EMP2: variants seen among roughly 807,000 people sequenced by gnomAD.
EMP2 encodes the protein epithelial membrane protein 2.
In EMP2, 19 loss-of-function variants were observed where a neutral mutation model predicts 13.7. The observed-to-expected ratio is 1.38, with a 90% CI of 0.97 to 2.03. The LOEUF (loss-of-function observed/expected upper bound fraction) is 2.03, where lower values mean the gene tolerates loss of function less well. EMP2 is among the 30% of genes most tolerant of loss of function. EMP2 has a pLI of 0.00. For missense variants in EMP2, 253 were observed against 220.7 expected, an observed-to-expected ratio of 1.15 and a Z score of -0.93; for synonymous variants, 97 against 84.7, an observed-to-expected ratio of 1.15 and a Z score of -0.80.
intron 1 of EMP2, among the ~76,000 whole-genome samples, chr16:10,550,408 G>A (rs1483236108): frequency 1.3e-5 from 2 of 152,046 alleles, no homozygotes; most frequent in Non-Finnish European, 2.9e-5. Flanking sequence ...ACTTCCTCAG[G>A]TCTGTCTTTG....
At chr16:10,560,085 C>G (rs1315319538) in intron 1 of EMP2, among the ~76,000 whole-genome samples, 1 of 152,174 alleles carries the variant, frequency 6.6e-6, no homozygotes, top group African/African-American at 2.4e-5. Flanking sequence ...CAGCGTGGCA[C>G]CAGAGAAACC....
At chr16:10,559,528 C>T (rs765362818) in intron 1 of EMP2, among the ~76,000 whole-genome samples, 19 of 152,220 alleles carry the variant, frequency 1.2e-4, no homozygotes, top group Non-Finnish European at 2.9e-5. Flanking sequence ...CTTCCAATCT[C>T]TTGGAATAAT....
At chr16:10,575,314 C>T (rs1478451498) in intron 1 of EMP2, among the ~76,000 whole-genome samples, 5 of 124,078 alleles carry the variant, frequency 4.0e-5, no homozygotes, top group South Asian at 5.6e-4. Flanking sequence ...AGTGCAGTGG[C>T]GTGATCTTGG....
At chr16:10,545,135 T>A (rs2050730327) in intron 2 of EMP2, 2 of 152,132 alleles carry the variant, frequency 1.3e-5, no homozygotes. Context: ...ACCCTGGGGG[T>A]GCTGGATACG....
intron 1 of EMP2, among the ~76,000 whole-genome samples, chr16:10,570,461 G>A (rs980973948): frequency 6.6e-6 from 1 of 152,120 alleles, no homozygotes; most frequent in African/African-American, 2.4e-5. Flanking sequence ...GCAGTGGCGT[G>A]ATCTCAACTC....
chr16:10,538,057 C>A lies in EMP2; in HGVS notation c.187G>T (p.Ala63Ser). 1 of 1,613,846 alleles carries A rather than the reference C, an allele frequency of 6.2e-7. No homozygotes were observed. The change falls in exon 4 of 5, where the codon GCG becomes TCG. Residue 63 changes from alanine to serine, a missense_variant. Coordinates refer to ENST00000359543, the MANE Select transcript of EMP2 (RefSeq NM_001424.6). The part of the protein sequence containing the change: ...DSFQEYSTLQ[A>S]VQATMILSTI... ...GAGAGGATCATGGTGGCCTGGACCGCCTGCAGCGTGGAGTACTCTGCGGGA... is the reference window on the plus strand; with the variant it reads ...GAGAGGATCATGGTGGCCTGGACCGACTGCAGCGTGGAGTACTCTGCGGGA...
chr16:10,541,197 G>A (rs76661797), intron 3 of EMP2, among the ~76,000 whole-genome samples: 2,164 of 152,094 alleles, frequency 0.014, 51 homozygotes, highest in African/African-American at 0.049. Flanking sequence ...GAAGCCAGGC[G>A]TGAAAAACCA....
intron 1 of EMP2, among the ~76,000 whole-genome samples, chr16:10,553,490 C>G (rs938090227): frequency 6.6e-6 from 1 of 152,208 alleles, no homozygotes; most frequent in Non-Finnish European, 1.5e-5. Flanking sequence ...CCCTTCCCGG[C>G]ACCTTCTCCT....
intron 2 of EMP2, chr16:10,545,486 G>C (rs2050732476): frequency 6.6e-6 from 1 of 152,198 alleles, no homozygotes; most frequent in Non-Finnish European, 1.5e-5. Context: ...TCTGCCTCCT[G>C]TCAGGTCACC....
chr16:10,543,498 C>T, intron 3 of EMP2, 72 bp downstream of exon 3: 12 of 1,548,306 alleles, frequency 7.8e-6, no homozygotes, highest in Non-Finnish European at 9.8e-6. Flanking sequence ...AGTCGGGGAA[C>T]CCGAAGCCTC....
At chr16:10,578,975 G>A (rs952271215) in intron 1 of EMP2, among the ~76,000 whole-genome samples, 1 of 152,266 alleles carries the variant, frequency 6.6e-6, no homozygotes, top group African/African-American at 2.4e-5. Flanking sequence ...AAGAAGGGGA[G>A]GGCTTGGGAG....
rs2050587527 is a variant in EMP2 at position 10,530,231 on chromosome 16, T to A, written c.*2674A>T. 6.6e-6 allele frequency: 1 copy of A among 152,210 alleles called. No individual in the cohort carries two copies. The highest frequency in any genetic ancestry group is 2.4e-5 in the African/African-American group (1 of 41,444). The allele number at this position is 152,210 out of a possible 1,614,324, so 9.4% of individuals were successfully genotyped here. On this transcript the variant is annotated 3_prime_UTR_variant, in exon 5 of 5. Coordinates refer to ENST00000359543, the MANE Select transcript of EMP2 (RefSeq NM_001424.6). ...AAACTTCATGATGGCAGGGAGGATA[T>A]CTGGATTTGCTCACCCCTGTATTTT... is the stretch of plus-strand genomic sequence containing the variant.
At chr16:10,548,821 G>A (rs552484707) in intron 1 of EMP2, among the ~76,000 whole-genome samples, 17 of 152,210 alleles carry the variant, frequency 1.1e-4, no homozygotes, top group Admixed American at 2.0e-4. Flanking sequence ...GTGGCAGACA[G>A]CTGCCATTTC....
intron 1 of EMP2, among the ~76,000 whole-genome samples, chr16:10,569,881 C>T (rs1002924530): frequency 1.3e-5 from 2 of 152,164 alleles, no homozygotes; most frequent in African/African-American, 4.8e-5. Context: ...GATCATGCCA[C>T]TCGGGCCTGA....
chr16:10,537,887 C>T (rs748004240), intron 4 of EMP2, 41 bp downstream of exon 4: 1 of 1,604,334 alleles, frequency 6.2e-7, no homozygotes. Flanking sequence ...AGTGCTTATT[C>T]CAGAAAGCCC....
rs1596366682 is a variant in EMP2, at chr16:10,533,324, C to T, written c.317-232G>A. ...AAGTGCTGGGATTACAGACGTGAGC[C>T]ACCGCGTGCAGCCTTAAGCTCTTAT... is the stretch of plus-strand genomic sequence containing the variant. On this transcript the variant is annotated intron_variant, in intron 4 of 4. Coordinates refer to ENST00000359543, the MANE Select transcript of EMP2 (RefSeq NM_001424.6). Among the ~76,000 whole-genome samples, 3 of 152,326 alleles carry T rather than the reference C, an allele frequency of 2.0e-5. No homozygotes were observed. The Middle Eastern group carries it at 0.01, about 518-fold the overall frequency.
chr16:10,573,930 CTTT>C (rs371646297), intron 1 of EMP2, among the ~76,000 whole-genome samples: 6 of 83,166 alleles, frequency 7.2e-5, no homozygotes, highest in East Asian at 7.5e-4. Flanking sequence ...ATGGATAAAC[CTTT>C]TTTTTTTTTT....
intron 1 of EMP2, chr16:10,577,979 C>G (rs569722300): frequency 1.1e-4 from 16 of 143,400 alleles, no homozygotes; most frequent in African/African-American, 4.1e-4. Context: ...TCTGACCCCC[C>G]CCTCCCGGCA....
Position 10,535,684 on chromosome 16 carries a change from C to T in EMP2, c.316+2244G>A, listed in dbSNP as rs895364217. 5.9e-5 allele frequency among the ~76,000 whole-genome samples: 9 copies of T among 152,148 alleles called. No individual in the cohort carries two copies. The East Asian group carries it at 1.5e-3, about 26-fold the overall frequency. ...ATGATCACGCCACTGTACTTCAGCC[C>T]GGGCAACAGAGTAACCACCCAAGTC... On this transcript the variant is annotated intron_variant, in intron 4 of 4. Coordinates refer to ENST00000359543, the MANE Select transcript of EMP2 (RefSeq NM_001424.6).
Sources: allele counts gnomAD v4.1 joint callset (sites outside exome capture counted in the v4.1 genomes callset), GRCh38; gene constraint gnomAD v4.1.1; transcripts MANE v1.5; gene names NCBI Gene and HGNC (gene_info 2026-07-23, HGNC 2026-07-21).